Variants in PTCHD4 observed in about 807,000 individuals in gnomAD.
The protein encoded by PTCHD4 is patched domain containing 4, also known as patched domain-containing protein 4.
In PTCHD4, 33 loss-of-function variants were observed where a neutral mutation model predicts 58.1. The observed-to-expected ratio is 0.57, with a 90% CI of 0.43 to 0.76. PTCHD4 has a LOEUF of 0.76. PTCHD4 is among the 30% of genes least tolerant of loss of function. The pLI is 0.00. For synonymous variants in PTCHD4, 478 were observed against 409.6 expected (o/e 1.17, Z -2.02); for missense variants, 1,058 against 1,027.1 (o/e 1.03, Z -0.41).
intron 4 of PTCHD4, among the ~76,000 whole-genome samples, chr6:47,908,436 T>A (rs146439222): frequency 5.3e-5 from 8 of 152,178 alleles, no homozygotes; most frequent in Admixed American, 1.3e-4. Context: ...ATGCATTGAC[T>A]AATGCCTCCA....
At chr6:47,890,504 G>T (rs1403209220) in intron 4 of PTCHD4, among the ~76,000 whole-genome samples, 1 of 152,162 alleles carries the variant, frequency 6.6e-6, no homozygotes, top group Non-Finnish European at 1.5e-5. Flanking sequence ...GTGACAGTGA[G>T]ATGTACCTCA....
intron 4 of PTCHD4, among the ~76,000 whole-genome samples, chr6:47,988,983 C>A (rs1768182139): frequency 6.6e-6 from 1 of 152,212 alleles, no homozygotes; most frequent in Non-Finnish European, 1.5e-5. Context: ...AAGTTTGGAA[C>A]TTCCTAGAGA....
In PTCHD4 at chr6:48,008,723, C is replaced by A. The variant is rs1176863241; in HGVS notation, c.809G>T (p.Cys270Phe). The A allele has an allele frequency of 1.2e-6, 2 of 1,613,798 alleles. No homozygotes were observed. The highest frequency in any genetic ancestry group is 1.7e-6 in the Non-Finnish European group (2 of 1,179,886). ...CCCTGCTGCTGTGATGATGGAGATG[C>A]ATACTGTGAGCACCCCCAGGAGGCC... is the stretch of plus-strand genomic sequence containing the variant. ...FLGLLGVLTVCISIITAAGIF... is the reference protein window; with the variant it reads ...FLGLLGVLTVFISIITAAGIF... The change falls in exon 4 of 5, where the codon TGC (cysteine) becomes TTC (phenylalanine). Residue 270 changes from cysteine to phenylalanine, a missense_variant. Coordinates refer to ENST00000339488, the MANE Select transcript of PTCHD4 (RefSeq NM_001384253.1).
intron 3 of PTCHD4, among the ~76,000 whole-genome samples, chr6:48,018,304 A>G (rs1762936590): frequency 6.6e-6 from 1 of 152,230 alleles, no homozygotes; most frequent in Non-Finnish European, 1.5e-5. Context: ...TGTCGCTTAC[A>G]TTATCGCTAA....
chr6:48,099,030 A>T (rs1034834960), intron 1 of PTCHD4, among the ~76,000 whole-genome samples: 3 of 152,194 alleles, frequency 2.0e-5, no homozygotes, highest in African/African-American at 7.2e-5. Flanking sequence ...CATATTAAAT[A>T]ACATTTCAGC....
At chr6:48,043,394 ATACT>A (rs1335045143) in intron 3 of PTCHD4, among the ~76,000 whole-genome samples, 1 of 151,800 alleles carries the variant, frequency 6.6e-6, no homozygotes, top group Admixed American at 6.6e-5. Context: ...TCCCTATAAA[ATACT>A]TAATTATTTT....
rs1211542229 is a variant in PTCHD4, at chr6:47,875,175, C to A, written c.*3128G>T. Among the ~76,000 whole-genome samples, 1 of 151,848 alleles carries A rather than the reference C, an allele frequency of 6.6e-6. No homozygotes were observed. The highest frequency in any genetic ancestry group is 1.5e-5 in the Non-Finnish European group (1 of 67,866). The stretch of plus-strand genomic sequence containing the variant: ...AAGCTAACATATTTCCCACAAATTT[C>A]TTCTCTTCTAGGAGTTGATTGGTCA... On this transcript the variant is annotated 3_prime_UTR_variant, in exon 5 of 5. Transcript: ENST00000339488.
rs45461096 is a variant in PTCHD4 at position 48,008,972 on chromosome 6, A to G, written c.560T>C (p.Ile187Thr). Reference sequence around the variant, plus strand: ...GAACTCATTCTCCCACTTCTCCCCTATGAGGTCTTGGGTGGCAGAGCCATA... The same window carrying G: ...GAACTCATTCTCCCACTTCTCCCCTGTGAGGTCTTGGGTGGCAGAGCCATA... ...QTYGSATQDL[I>T]GEKWENEFCK... is the part of the protein sequence containing the mutation. Residue 187 changes from isoleucine (I) to threonine (T), a missense_variant, in exon 4 of 5, where the codon ATA becomes ACA. Physicochemically the swap from Ile to Thr is moderately conservative, Grantham distance 89 (BLOSUM62 -1). Coordinates refer to ENST00000339488, the MANE Select transcript of PTCHD4 (RefSeq NM_001384253.1). 887 of 1,613,828 alleles carry G rather than the reference A, an allele frequency of 5.5e-4. 1 individual carries two copies. The highest frequency in any genetic ancestry group is 7.3e-4 in the Non-Finnish European group (856 of 1,179,848).
intron 4 of PTCHD4, among the ~76,000 whole-genome samples, chr6:47,911,018 G>A (rs748964943): frequency 9.2e-5 from 14 of 152,056 alleles, no homozygotes; most frequent in Non-Finnish European, 1.3e-4. Context: ...AACAACAACA[G>A]CAAGTAGCTG....
chr6:48,064,321 G>T (rs757497695), intron 3 of PTCHD4, among the ~76,000 whole-genome samples: 1 of 152,010 alleles, frequency 6.6e-6, no homozygotes, highest in African/African-American at 2.4e-5. Context: ...GAGAAGTGAG[G>T]TTATGTTGGC....
intron 3 of PTCHD4, among the ~76,000 whole-genome samples, chr6:48,062,821 A>C (rs1419826645): frequency 4.6e-5 from 7 of 152,224 alleles, no homozygotes; most frequent in Admixed American, 4.6e-4. Flanking sequence ...AATGATAATT[A>C]TCTACTATGT....
intron 4 of PTCHD4, among the ~76,000 whole-genome samples, chr6:47,917,292 A>G (rs1248149251): frequency 6.6e-6 from 1 of 152,182 alleles, no homozygotes; most frequent in African/African-American, 2.4e-5. Context: ...TGCCACAAAG[A>G]AGGTAAGTAA....
At chr6:47,944,500 A>G (rs867127810) in intron 4 of PTCHD4, among the ~76,000 whole-genome samples, 68 of 152,230 alleles carry the variant, frequency 4.5e-4, no homozygotes, top group Middle Eastern at 3.4e-3. Flanking sequence ...TATATAGTCC[A>G]AGTGACTCAT....
chr6:47,985,389 A>T (rs1281484742), intron 4 of PTCHD4, among the ~76,000 whole-genome samples: 1 of 152,186 alleles, frequency 6.6e-6, no homozygotes, highest in Non-Finnish European at 1.5e-5. Context: ...TAATATTTTC[A>T]GATGGTAATA....
rs765345054 is a variant in PTCHD4 at position 48,068,277 on chromosome 6, G to A, written c.370C>T (p.Gln124Ter). ...TGGGTCTGCAGGATCCCCTCAGCCT[G>A]GAGCAAAATATTGTCCCCGGTTGGG... The part of the protein sequence containing the change: ...LSPTGDNILL[Q>*]AEGILQTHRA... The change falls in exon 3 of 5, where the codon CAG becomes TAG. Residue 124 changes from glutamine to a stop codon, truncating the protein, a stop_gained. Transcript: ENST00000339488. LOFTEE classifies it high-confidence loss of function. The surrounding 1 kb of genome is among the most constrained non-coding windows in gnomAD (Gnocchi z 4.2). 1 of 1,607,238 alleles carries A rather than the reference G, an allele frequency of 6.2e-7. No homozygotes were observed. The highest frequency in any genetic ancestry group is 8.5e-7 in the Non-Finnish European group (1 of 1,175,014).
chr6:47,993,086 C>G (rs1322153048), intron 4 of PTCHD4, among the ~76,000 whole-genome samples: 2 of 152,132 alleles, frequency 1.3e-5, no homozygotes, highest in Non-Finnish European at 2.9e-5. Flanking sequence ...CAAGGACAGG[C>G]AGCCTCTTTT....
chr6:48,102,535 C>T (rs1375944314), intron 1 of PTCHD4, among the ~76,000 whole-genome samples: 3 of 152,184 alleles, frequency 2.0e-5, no homozygotes, highest in Non-Finnish European at 2.9e-5. Context: ...CCAGCGTGAG[C>T]GATGCAGAAG....
intron 3 of PTCHD4, 138 bp from the exon 4 acceptor site, chr6:48,009,252 T>C (rs943704856): frequency 4.5e-6 from 4 of 891,336 alleles, no homozygotes; most frequent in Non-Finnish European, 6.6e-6. Context: ...GAGAGGCAAG[T>C]TAGAATTTTA....
chr6:47,999,438 G>A (rs910492853), intron 4 of PTCHD4, among the ~76,000 whole-genome samples: 1 of 152,128 alleles, frequency 6.6e-6, no homozygotes, highest in Non-Finnish European at 1.5e-5. Flanking sequence ...TTACAGCAAT[G>A]GAATTATTTT....
Sources: allele counts gnomAD v4.1 joint callset (sites outside exome capture counted in the v4.1 genomes callset), GRCh38; gene constraint gnomAD v4.1.1; non-coding constraint Gnocchi (gnomAD v3.1); transcripts MANE v1.5; gene names NCBI Gene and HGNC (gene_info 2026-07-23, HGNC 2026-07-21).